GCSH: variants seen among roughly 807,000 people sequenced by gnomAD.
GCSH encodes glycine cleavage system protein H, also known as glycine cleavage system H protein, mitochondrial.
In GCSH, 15 loss-of-function variants were observed where a neutral mutation model predicts 21.3. The ratio of observed to expected loss-of-function variants is 0.70; its 90% CI spans 0.47 to 1.08. The LOEUF (loss-of-function observed/expected upper bound fraction) is 1.08. Ranked by LOEUF, GCSH falls within the 50% of genes least tolerant of loss-of-function variation. GCSH has a pLI of 0.00. For missense variants in GCSH, 179 were observed against 217.5 expected (o/e 0.82, Z 1.11); for synonymous variants, 59 against 84.5 (o/e 0.70, Z 1.66).
rs1054527657 is a variant in GCSH, at chr16:81,081,990, A to G, written c.*876T>C. 2.2e-6 allele frequency: 1 copy of G among 453,194 alleles called. No individual in the cohort carries two copies. The highest frequency in any genetic ancestry group is 4.4e-6 in the Non-Finnish European group (1 of 226,244). 28.1% of individuals were successfully genotyped at this position (453,194 alleles called of 1,614,324 possible). On this transcript the variant is annotated 3_prime_UTR_variant, in exon 5 of 5. Coordinates refer to ENST00000315467, the MANE Select transcript of GCSH (RefSeq NM_004483.5). ...GTCCTTGTCCACTTTTATTCCCATG[A>G]CTTAAGTGGAAACCTGAACGTGGTT... is the stretch of plus-strand genomic sequence containing the variant.
At position 81,089,316 on chromosome 16, in the gene GCSH, A is replaced by G. The variant is rs547820458; in HGVS notation, c.228+1285T>C. Among the ~76,000 whole-genome samples the G allele has an allele frequency of 1.3e-3, 203 of 152,344 alleles. 1 individual carries two copies. The highest frequency in any genetic ancestry group is 4.6e-3 in the African/African-American group (193 of 41,588). On this transcript the variant is annotated intron_variant, in intron 2 of 4. Transcript: ENST00000315467. ...AGATTCTGGAATCCAAAACGCTCCA[A>G]TGAGCATTTTCTTTAAGAGTCACGT... is the stretch of plus-strand genomic sequence containing the variant.
At chr16:81,086,810 T>TTAGGGTTAGG (rs755311210) in intron 3 of GCSH, among the ~76,000 whole-genome samples, 1 of 152,156 alleles carries the variant, frequency 6.6e-6, no homozygotes. Context: ...ACACACACTG[T>TTAGGGTTAGG]GTGATTCCTT....
At chr16:81,085,455 A>G (rs1271046719) in intron 3 of GCSH, among the ~76,000 whole-genome samples, 1 of 152,198 alleles carries the variant, frequency 6.6e-6, no homozygotes, top group East Asian at 1.9e-4. Flanking sequence ...CCTGAATGCC[A>G]GATGTGTGTA....
chr16:81,083,541 TAAATATATGATCC>T (rs1453894838), intron 4 of GCSH: 1 of 159,598 alleles, frequency 6.3e-6, no homozygotes. Flanking sequence ...AATAAGTCCT[TAAATATATGATCC>T]AAATACACAA....
At chr16:81,089,594 C>G (rs779988879) in intron 2 of GCSH, among the ~76,000 whole-genome samples, 6 of 152,130 alleles carry the variant, frequency 3.9e-5, no homozygotes, top group Non-Finnish European at 8.8e-5. Context: ...CACAGAAGGA[C>G]GCAATCCCCG....
In GCSH at chr16:81,082,840, T is replaced by C; in HGVS notation, c.*26A>G. 1.0e-6 allele frequency: 1 copy of C among 973,362 alleles called. No individual in the cohort carries two copies. The highest frequency in any genetic ancestry group is 1.7e-6 in the Non-Finnish European group (1 of 598,552). 60.3% of individuals were successfully genotyped at this position (973,362 alleles called of 1,614,324 possible). Reference sequence around the variant, plus strand: ...AACTCTGCTGGCTTGCGTTATTTCATACTAGTTTATTTAGGAGTTCCATTT... The same window carrying C: ...AACTCTGCTGGCTTGCGTTATTTCACACTAGTTTATTTAGGAGTTCCATTT... On this transcript the variant is annotated 3_prime_UTR_variant, in exon 5 of 5. Transcript: ENST00000315467.
At position 81,082,010 on chromosome 16, in the gene GCSH, G is replaced by A. The variant is rs551300673; in HGVS notation, c.*856C>T. On this transcript the variant is annotated 3_prime_UTR_variant, in exon 5 of 5. Coordinates refer to ENST00000315467, the MANE Select transcript of GCSH (RefSeq NM_004483.5). ...CCATGACTTAAGTGGAAACCTGAAC[G>A]TGGTTTAACAACTTAAAAACACCAT... is the stretch of plus-strand genomic sequence containing the variant. The A allele has an allele frequency of 6.6e-6, 3 of 451,342 alleles. No individual in the cohort carries two copies. The highest frequency in any genetic ancestry group is 2.0e-5 in the African/African-American group (1 of 48,876). 28.0% of individuals were successfully genotyped at this position (451,342 alleles called of 1,614,324 possible).
At chr16:81,086,572 A>AG (rs1389538860) in intron 3 of GCSH, among the ~76,000 whole-genome samples, 1 of 151,688 alleles carries the variant, frequency 6.6e-6, no homozygotes, top group African/African-American at 2.4e-5. Flanking sequence ...AATAAGAAGA[A>AG]AAAAAAAAGA....
chr16:81,086,927 T>C (rs772968959), intron 3 of GCSH, among the ~76,000 whole-genome samples: 5 of 151,852 alleles, frequency 3.3e-5, no homozygotes, highest in Non-Finnish European at 7.4e-5. Context: ...TAAAACTCAC[T>C]GAATTGTACA....
chr16:81,087,386 G>A (rs1187405061), intron 3 of GCSH, among the ~76,000 whole-genome samples: 1 of 151,952 alleles, frequency 6.6e-6, no homozygotes, highest in African/African-American at 2.4e-5. Context: ...GCTGGGCGTG[G>A]TGGCACGTGC....
In GCSH at chr16:81,096,288, G is replaced by T. The variant is rs549736111; in HGVS notation, c.-10C>A. ...CCACTCGCAGCGCCATGTTCGCAGG[G>T]GTGCGGGGGTCGCAGCGCTACGCCT... On this transcript the variant is annotated 5_prime_UTR_variant, in exon 1 of 5. Coordinates refer to ENST00000315467, the MANE Select transcript of GCSH (RefSeq NM_004483.5). 6 of 1,366,224 alleles carry T rather than the reference G, an allele frequency of 4.4e-6. No individual in the cohort carries two copies. In the East Asian group the frequency reaches 1.6e-4, roughly 35 times the overall value. 84.6% of individuals were successfully genotyped at this position (1,366,224 alleles called of 1,614,324 possible).
intron 1 of GCSH, among the ~76,000 whole-genome samples, chr16:81,093,119 T>C (rs1278106816): frequency 7.0e-6 from 1 of 142,592 alleles, no homozygotes; most frequent in Non-Finnish European, 1.5e-5. Context: ...CGAAACTTCA[T>C]CTCCAAAAAA....
intron 1 of GCSH, among the ~76,000 whole-genome samples, chr16:81,095,625 G>C (rs1972489443): frequency 6.6e-6 from 1 of 150,926 alleles, no homozygotes; most frequent in African/African-American, 2.4e-5. Flanking sequence ...CTCGTGATCC[G>C]CCCTCCGGCA....
chr16:81,083,615 A>G (rs1972213907), intron 4 of GCSH: 2 of 153,288 alleles, frequency 1.3e-5, no homozygotes, highest in African/African-American at 4.8e-5. Flanking sequence ...GGTTAACGGG[A>G]TTAGAAAGCA....
chr16:81,090,700 T>G lies in GCSH; in HGVS notation c.149-20A>C. The stretch of plus-strand genomic sequence containing the variant: ...TACGCACTAAAACAGAAGACCAACA[T>G]TTCAGAAAAGCAGTAGCATTACTTC... On this transcript the variant is annotated intron_variant, in intron 1 of 4. Transcript: ENST00000315467. The G allele has an allele frequency of 1.3e-6, 2 of 1,557,234 alleles. No homozygotes were observed. Among genetic ancestry groups the G allele is most frequent in the Non-Finnish European group, 1.8e-6 (2 of 1,127,974 alleles).
chr16:81,091,771 G>C (rs1183524477), intron 1 of GCSH, among the ~76,000 whole-genome samples: 1 of 152,086 alleles, frequency 6.6e-6, no homozygotes, highest in Non-Finnish European at 1.5e-5. Flanking sequence ...CGTAAGTAGA[G>C]TGTATAATTA....
chr16:81,095,852 C>A (rs185717239), intron 1 of GCSH, among the ~76,000 whole-genome samples: 1 of 152,122 alleles, frequency 6.6e-6, no homozygotes, highest in Non-Finnish European at 1.5e-5. Flanking sequence ...GCCCGCCGGA[C>A]CCGCCGGGCC....
chr16:81,083,494 G>C (rs925017326), intron 4 of GCSH: 2 of 162,474 alleles, frequency 1.2e-5, no homozygotes, highest in Non-Finnish European at 2.7e-5. Flanking sequence ...TCCAGCCTGG[G>C]CGACAGAGGG....
chr16:81,092,242 T>A (rs8177859), intron 1 of GCSH, among the ~76,000 whole-genome samples: 3 of 152,032 alleles, frequency 2.0e-5, no homozygotes, highest in African/African-American at 7.2e-5. Flanking sequence ...TACGGCACCC[T>A]GTACCACTAT....
Sources: allele counts gnomAD v4.1 joint callset (sites outside exome capture counted in the v4.1 genomes callset), GRCh38; gene constraint gnomAD v4.1.1; transcripts MANE v1.5; gene names NCBI Gene and HGNC (gene_info 2026-07-23, HGNC 2026-07-21).